Variants in DLG2 observed in about 807,000 individuals in gnomAD.
DLG2 encodes the protein disks large homolog 2.
Under a neutral mutation model 132.5 loss-of-function variants are expected in DLG2, and 45 were observed. That is an observed-to-expected ratio of 0.34 (90% CI 0.27 to 0.44). DLG2 has a LOEUF of 0.44. Ranked by LOEUF, DLG2 falls within the 20% of genes least tolerant of loss-of-function variation. The probability of loss-of-function intolerance (pLI) is 1.00; values close to 1 mark genes in which losing one functional copy is unlikely to be tolerated. For synonymous variants in DLG2, 424 were observed against 419.6 expected, an observed-to-expected ratio of 1.01 and a Z score of -0.13; for missense variants, 1,045 against 1,196.9, an observed-to-expected ratio of 0.87 and a Z score of 1.87.
intron 10 of DLG2, among the ~76,000 whole-genome samples, chr11:84,062,165 A>G (rs1408106755): frequency 6.6e-6 from 1 of 152,176 alleles, no homozygotes; most frequent in Non-Finnish European, 1.5e-5. Context: ...GTGTGAGAAA[A>G]TCATAGCCTA....
intron 3 of DLG2, among the ~76,000 whole-genome samples, chr11:85,355,154 C>T (rs1283563919): frequency 1.3e-5 from 2 of 152,010 alleles, no homozygotes; most frequent in Non-Finnish European, 2.9e-5. Context: ...CAGTGCTCAG[C>T]ACAAGAAGAT....
intron 12 of DLG2, among the ~76,000 whole-genome samples, chr11:83,969,270 A>G (rs1247075999): frequency 1.3e-5 from 2 of 152,214 alleles, no homozygotes; most frequent in South Asian, 4.1e-4. Flanking sequence ...GCTAGGGCTC[A>G]TATCACCTGT....
chr11:85,060,222 T>G (rs897499587), intron 6 of DLG2, among the ~76,000 whole-genome samples: 1 of 151,514 alleles, frequency 6.6e-6, no homozygotes, highest in African/African-American at 2.4e-5. Flanking sequence ...TTATTTCACT[T>G]AGTATAATGT....
At chr11:84,569,690 T>C (rs1225745154) in intron 6 of DLG2, among the ~76,000 whole-genome samples, 3 of 152,210 alleles carry the variant, frequency 2.0e-5, no homozygotes, top group African/African-American at 7.2e-5. Flanking sequence ...AGAGGTTATA[T>C]TGCTCAGTTA....
At chr11:85,403,153 T>C (rs1342788362) in intron 3 of DLG2, among the ~76,000 whole-genome samples, 3 of 152,186 alleles carry the variant, frequency 2.0e-5, no homozygotes, top group Non-Finnish European at 2.9e-5. Flanking sequence ...CATGGAATAC[T>C]ATGCAGCCAT....
intron 7 of DLG2, among the ~76,000 whole-genome samples, chr11:84,371,374 A>C (rs986360266): frequency 6.6e-6 from 1 of 151,578 alleles, no homozygotes; most frequent in Admixed American, 6.6e-5. Context: ...TCCCACCTCA[A>C]CCTCCCAAGT....
intron 7 of DLG2, among the ~76,000 whole-genome samples, chr11:84,295,125 C>T (rs1160988837): frequency 2.0e-5 from 3 of 152,122 alleles, no homozygotes; most frequent in Non-Finnish European, 2.9e-5. Context: ...AGTATGAAAG[C>T]AGTGACTCTT....
intron 6 of DLG2, among the ~76,000 whole-genome samples, chr11:84,535,263 C>A (rs939991313): frequency 4.6e-5 from 7 of 152,182 alleles, no homozygotes; most frequent in Non-Finnish European, 8.8e-5. Flanking sequence ...AAAGAGAAGA[C>A]AAGCTTATCT....
chr11:83,976,261 G>A (rs928450431), intron 12 of DLG2, among the ~76,000 whole-genome samples: 1 of 151,924 alleles, frequency 6.6e-6, no homozygotes, highest in South Asian at 2.1e-4. Flanking sequence ...AATTAATGGA[G>A]TTTTATTTTA....
chr11:85,539,602 T>C (rs906359934), intron 3 of DLG2, among the ~76,000 whole-genome samples: 5 of 152,190 alleles, frequency 3.3e-5, no homozygotes, highest in Non-Finnish European at 5.9e-5. Context: ...TCTGTGAACA[T>C]ATTTAAAAAC....
chr11:85,586,863 T>A (rs2079006123), intron 3 of DLG2, among the ~76,000 whole-genome samples: 1 of 152,212 alleles, frequency 6.6e-6, no homozygotes, highest in East Asian at 1.9e-4. Context: ...AGCACTGCTT[T>A]TGCTGTGTCC....
At chr11:85,012,527 GA>G (rs981966998) in intron 6 of DLG2, among the ~76,000 whole-genome samples, 36 of 143,646 alleles carry the variant, frequency 2.5e-4, no homozygotes, top group East Asian at 2.4e-3. Flanking sequence ...TCTGTCTCAA[GA>G]AAAAAAAAAT....
At chr11:84,343,384 T>C (rs2098524678) in intron 7 of DLG2, among the ~76,000 whole-genome samples, 2 of 152,206 alleles carry the variant, frequency 1.3e-5, no homozygotes, top group Non-Finnish European at 2.9e-5. Flanking sequence ...AAGCCCTGAA[T>C]TATGCTGTCA....
intron 3 of DLG2, among the ~76,000 whole-genome samples, chr11:85,400,716 G>A (rs1175802312): frequency 6.7e-6 from 1 of 150,164 alleles, no homozygotes; most frequent in African/African-American, 2.5e-5. Flanking sequence ...CTCACTCATA[G>A]ATGGGAATTG....
chr11:85,217,317 C>CACA (rs2082684492), intron 4 of DLG2, among the ~76,000 whole-genome samples: 1 of 6,964 alleles, frequency 1.4e-4, no homozygotes, highest in African/African-American at 3.2e-4. Context: ...CTCTCTCTCT[C>CACA]TCACACACAC....
intron 7 of DLG2, among the ~76,000 whole-genome samples, chr11:84,321,226 G>C (rs1346663878): frequency 6.6e-6 from 1 of 152,070 alleles, no homozygotes; most frequent in African/African-American, 2.4e-5. Flanking sequence ...CAATCACCAT[G>C]ATGACCACTG....
At chr11:84,109,109 C>T (rs1487389272) in intron 9 of DLG2, among the ~76,000 whole-genome samples, 1 of 151,758 alleles carries the variant, frequency 6.6e-6, no homozygotes, top group Non-Finnish European at 1.5e-5. Context: ...AAAATACTTA[C>T]ATCGTCAAAA....
intron 7 of DLG2, among the ~76,000 whole-genome samples, chr11:84,358,744 G>GAACAAAAAGGTAATACCATTAGAACAAA (rs2098632739): frequency 6.6e-6 from 1 of 151,854 alleles, no homozygotes; most frequent in African/African-American, 2.4e-5. Context: ...AATGACTTAT[G>GAACAAAAAGGTAATACCATTAGAACAAA]TGTAATACCA....
chr11:84,598,949 A>T, intron 6 of DLG2, among the ~76,000 whole-genome samples: 1 of 151,798 alleles, frequency 6.6e-6, no homozygotes, highest in Non-Finnish European at 1.5e-5. Context: ...GCCTCTAAAA[A>T]TAAAACAAAT....
Sources: allele counts gnomAD v4.1 joint callset (sites outside exome capture counted in the v4.1 genomes callset), GRCh38; gene constraint gnomAD v4.1.1; transcripts MANE v1.5; gene names NCBI Gene and HGNC (gene_info 2026-07-23, HGNC 2026-07-21).